The following CMYA5 variants were observed in gnomAD, a reference collection of about 807,000 sequenced individuals.
The protein encoded by CMYA5 is cardiomyopathy-associated protein 5.
Under a neutral mutation model 318.9 loss-of-function variants are expected in CMYA5, and 246 were observed. The observed-to-expected ratio is 0.77, with a 90% CI of 0.70 to 0.86. The LOEUF is 0.86. CMYA5 is among the 40% of genes least tolerant of loss of function. CMYA5 has a pLI of 0.00. For synonymous variants in CMYA5, 1,641 were observed against 1,729.5 expected (o/e 0.95, Z 1.27); for missense variants, 4,589 against 4,678.2 (o/e 0.98, Z 0.56).
At position 79,738,044 on chromosome 5, in the gene CMYA5, C is replaced by A; in HGVS notation, c.9279C>A (p.Phe3093Leu). The change falls in exon 2 of 13, where the codon TTC becomes TTA. Residue 3093 changes from phenylalanine to leucine, a missense_variant. By Grantham distance (22) the Phe-to-Leu change is conservative. Around this residue, in one of 3 missense-constraint regions of CMYA5, gnomAD observed 2,431 missense variants for 2,495.1 expected, o/e 0.97. Coordinates refer to ENST00000446378, the MANE Select transcript of CMYA5 (RefSeq NM_153610.5). The stretch of plus-strand genomic sequence containing the variant: ...AAGTTACAGAAGAAACTATCTCTTT[C>A]CCAGTAAGTTCAGTGGAAAGTGCAC... The part of the protein sequence containing the change: ...SKEVTEETIS[F>L]PVSSVESALE... 1 of 1,613,096 alleles carries A rather than the reference C, an allele frequency of 6.2e-7. No individual in the cohort carries two copies. The highest frequency in any genetic ancestry group is 2.2e-5 in the East Asian group (1 of 44,860).
In CMYA5 at chr5:79,734,018, A is replaced by G. The variant is rs746785109; in HGVS notation, c.5253A>G (p.Leu1751=). ...FQPFTFSLKG[L]SEEVSHPADF... The stretch of plus-strand genomic sequence containing the variant: ...CATTTACTTTTTCTTTAAAAGGATT[A>G]TCAGAGGAGGTTAGCCATCCAGCCG... The change falls in exon 2 of 13, where the codon TTA becomes TTG. Residue 1751 remains leucine, a synonymous_variant. Transcript: ENST00000446378. 4 of 1,613,782 alleles carry G rather than the reference A, an allele frequency of 2.5e-6. No homozygotes were observed. Among genetic ancestry groups the G allele is most frequent in the Non-Finnish European group, 3.4e-6 (4 of 1,179,840 alleles).
At chr5:79,694,805 G>A (rs1827035636) in intron 1 of CMYA5, among the ~76,000 whole-genome samples, 1 of 152,278 alleles carries the variant, frequency 6.6e-6, no homozygotes, top group African/African-American at 2.4e-5. Flanking sequence ...TGACAAGTGT[G>A]TTATTTGAGC....
chr5:79,737,133 G>C lies in CMYA5; in HGVS notation c.8368G>C (p.Glu2790Gln). 6.2e-7 allele frequency: 1 copy of C among 1,613,308 alleles called. No homozygotes were observed. The highest frequency in any genetic ancestry group is 8.5e-7 in the Non-Finnish European group (1 of 1,179,670). Residue 2790 changes from glutamate to glutamine, a missense_variant, in exon 2 of 13, where the codon GAA (glutamate) becomes CAA (glutamine). Around this residue, in one of 3 missense-constraint regions of CMYA5, gnomAD observed 2,431 missense variants for 2,495.1 expected, o/e 0.97. Coordinates refer to ENST00000446378, the MANE Select transcript of CMYA5 (RefSeq NM_153610.5). ...ESMKEGFPSK[E>Q]SERTLARPFD... is the part of the protein sequence containing the mutation. Reference sequence around the variant, plus strand: ...TATGAAAGAAGGATTTCCATCTAAAGAATCCGAAAGGACTTTAGCTCGTCC... The same window carrying C: ...TATGAAAGAAGGATTTCCATCTAAACAATCCGAAAGGACTTTAGCTCGTCC...
Position 79,739,142 on chromosome 5 carries a change from GCACAT to G in CMYA5, c.10380_10384del (p.His3460GlnfsTer2), listed in dbSNP as rs773087616. ...TATCTCAAGGAAAGGAATCCTTTGA[GCACAT>G]CAGTGAAAATGAATTTGCGAGTGAG... On this transcript the variant is annotated frameshift_variant, in exon 2 of 13. Transcript: ENST00000446378. LOFTEE classifies it high-confidence loss of function. The G allele has an allele frequency of 1.1e-5, 17 of 1,613,666 alleles. No individual in the cohort carries two copies. The highest frequency in any genetic ancestry group is 1.4e-5 in the Non-Finnish European group (16 of 1,179,846).
intron 9 of CMYA5, among the ~76,000 whole-genome samples, chr5:79,774,609 T>C (rs1451838466): frequency 6.6e-6 from 1 of 152,204 alleles, no homozygotes; most frequent in African/African-American, 2.4e-5. Context: ...GTGAGTCTCC[T>C]GCTCCCTGGC....
chr5:79,709,960 C>CAAAAAAAAAAAAAAAAA (rs61657639), intron 1 of CMYA5, among the ~76,000 whole-genome samples: 45 of 24,316 alleles, frequency 1.9e-3, no homozygotes, highest in East Asian at 3.7e-3. Flanking sequence ...GACTCCATCT[C>CAAAAAAAAAAAAAAAAA]AAAAAAAAAA....
intron 9 of CMYA5, among the ~76,000 whole-genome samples, chr5:79,763,677 G>C (rs1447219578): frequency 1.3e-5 from 2 of 152,116 alleles, no homozygotes; most frequent in African/African-American, 2.4e-5. Flanking sequence ...CTCTCCAAAA[G>C]CATGAAATAT....
rs769319888 is a variant in CMYA5 at position 79,731,317 on chromosome 5, C to G, written c.2552C>G (p.Ala851Gly). 6.2e-7 allele frequency: 1 copy of G among 1,613,820 alleles called. No homozygotes were observed. ...IGPSSPDLVV[A>G]SEHSFPPHTT... ...CCATCTTCCCCAGATTTGGTTGTTG[C>G]ATCTGAACACTCTTTCCCACCACAC... The change falls in exon 2 of 13, where the codon GCA (alanine) becomes GGA (glycine). Residue 851 changes from alanine to glycine, a missense_variant. Ala to Gly is a moderately conservative substitution (Grantham distance 60, BLOSUM62 0). Coordinates refer to ENST00000446378, the MANE Select transcript of CMYA5 (RefSeq NM_153610.5).
intron 1 of CMYA5, among the ~76,000 whole-genome samples, chr5:79,720,954 G>A (rs1204140320): frequency 6.6e-6 from 1 of 152,074 alleles, no homozygotes; most frequent in East Asian, 1.9e-4. Flanking sequence ...AATAAATATT[G>A]ACAATAAAAA....
At chr5:79,701,476 C>T (rs373166040) in intron 1 of CMYA5, among the ~76,000 whole-genome samples, 13 of 151,472 alleles carry the variant, frequency 8.6e-5, no homozygotes, top group African/African-American at 3.2e-4. Context: ...ATATGTACAG[C>T]TATTACATAT....
At chr5:79,787,163 T>A (rs1434598098) in intron 9 of CMYA5, among the ~76,000 whole-genome samples, 1 of 152,230 alleles carries the variant, frequency 6.6e-6, no homozygotes, top group African/African-American at 2.4e-5. Context: ...CAGTGTGTTG[T>A]CTTTGTCTCT....
intron 1 of CMYA5, among the ~76,000 whole-genome samples, chr5:79,724,310 C>T (rs937917998): frequency 1.3e-4 from 20 of 152,106 alleles, no homozygotes; most frequent in African/African-American, 4.6e-4. Context: ...GCAAGAAGAG[C>T]GAAACTCCAT....
Position 79,733,673 on chromosome 5 carries a change from T to G in CMYA5, c.4908T>G (p.Asn1636Lys). 6.2e-7 allele frequency: 1 copy of G among 1,613,904 alleles called. No individual in the cohort carries two copies. The highest frequency in any genetic ancestry group is 8.5e-7 in the Non-Finnish European group (1 of 1,179,842). The stretch of plus-strand genomic sequence containing the variant: ...CACACCAACCGTTGGAATTACCAAA[T>G]GCTGGGTCAGAATTTTCTAGTGATT... ...DKPHQPLELP[N>K]AGSEFSSDLG... Residue 1636 changes from asparagine to lysine, a missense_variant, in exon 2 of 13, where the codon AAT (asparagine) becomes AAG (lysine). Around this residue, in one of 3 missense-constraint regions of CMYA5, gnomAD observed 2,132 missense variants for 2,131.3 expected, o/e 1.00. Coordinates refer to ENST00000446378, the MANE Select transcript of CMYA5 (RefSeq NM_153610.5).
rs1318751503 is a variant in CMYA5, at chr5:79,773,503, G to A, written c.11555+10294G>A. 2.6e-5 allele frequency among the ~76,000 whole-genome samples: 4 copies of A among 152,238 alleles called. No individual in the cohort carries two copies. In the East Asian group the frequency reaches 7.7e-4, roughly 29 times the overall value. ...GTTATATAACCCTTACATAGGTTCTGGATTTCATGCAAAAACTCTATAGTA... is the reference window on the plus strand; with the variant it reads ...GTTATATAACCCTTACATAGGTTCTAGATTTCATGCAAAAACTCTATAGTA... On this transcript the variant is annotated intron_variant, in intron 9 of 12. Transcript: ENST00000446378.
rs772023528 is a variant in CMYA5, at chr5:79,732,795, A to T, written c.4030A>T (p.Lys1344Ter). ...ATTTTCAGCTTTGTCAGAAGAAATTAAAAAAGAAATTGAACCCAGTTCCTC... is the reference window on the plus strand; with the variant it reads ...ATTTTCAGCTTTGTCAGAAGAAATTTAAAAAGAAATTGAACCCAGTTCCTC... Reference protein sequence around the residue: ...LAFSALSEEIKKEIEPSSSTT... With the variant: ...LAFSALSEEI The change falls in exon 2 of 13, where the codon AAA (lysine) becomes TAA (stop). Residue 1344 changes from lysine (K) to a stop codon, truncating the protein, a stop_gained. Coordinates refer to ENST00000446378, the MANE Select transcript of CMYA5 (RefSeq NM_153610.5). LOFTEE classifies it high-confidence loss of function. 13 of 1,613,544 alleles carry T rather than the reference A, an allele frequency of 8.1e-6. No individual in the cohort carries two copies. In the Admixed American group the frequency reaches 8.3e-5, roughly 10 times the overall value.
At chr5:79,746,078 C>T (rs1482458117) in intron 4 of CMYA5, among the ~76,000 whole-genome samples, 1 of 152,150 alleles carries the variant, frequency 6.6e-6, no homozygotes, top group East Asian at 1.9e-4. Flanking sequence ...CTCTGTGCTC[C>T]CTGCAATTCC....
intron 1 of CMYA5, among the ~76,000 whole-genome samples, chr5:79,696,912 C>G (rs1315984293): frequency 6.6e-6 from 1 of 151,810 alleles, no homozygotes; most frequent in Admixed American, 6.6e-5. Context: ...GAGGCTGAGG[C>G]AGGAGAAGCA....
At chr5:79,771,625 G>C (rs1041536216) in intron 9 of CMYA5, among the ~76,000 whole-genome samples, 1 of 152,212 alleles carries the variant, frequency 6.6e-6, no homozygotes, top group Admixed American at 6.5e-5. Context: ...GAGAAGGGAT[G>C]GGGGGATGGC....
rs1235779502 is a variant in CMYA5, at chr5:79,792,317, G to A, written c.11790-1120G>A. Reference sequence around the variant, plus strand: ...CAGGGGCTAAAAAATATACAAATGAGTGAATTCAGGGAAAAAATAGATTGA... The same window carrying A: ...CAGGGGCTAAAAAATATACAAATGAATGAATTCAGGGAAAAAATAGATTGA... On this transcript the variant is annotated intron_variant, in intron 11 of 12. Transcript: ENST00000446378. Among the ~76,000 whole-genome samples, 8 of 151,434 alleles carry A rather than the reference G, an allele frequency of 5.3e-5. No individual in the cohort carries two copies. In the East Asian group the frequency reaches 1.2e-3, roughly 22 times the overall value.
Sources: gnomAD v4.1 joint callset for allele counts (sites outside exome capture counted in the v4.1 genomes callset) on GRCh38, gnomAD v4.1.1 for gene constraint, gnomAD v4.1.1 regional missense constraint, MANE v1.5 for transcripts, NCBI Gene and HGNC (gene_info 2026-07-23, HGNC 2026-07-21) for gene names.